The following MAGEC3 variants were observed in gnomAD, a reference collection of about 807,000 sequenced individuals.
The protein encoded by MAGEC3 is MAGE family member C3.
A neutral mutation model predicts 35.3 loss-of-function variants in MAGEC3; 34 were observed. The observed-to-expected ratio is 0.96, with a 90% CI of 0.73 to 1.28. The LOEUF (loss-of-function observed/expected upper bound fraction) is 1.28, where lower values mean the gene tolerates loss of function less well. Ranked by LOEUF, MAGEC3 falls within the 50% of genes most tolerant of loss-of-function variation. The probability of loss-of-function intolerance (pLI) is 0.00; values close to 1 mark genes in which losing one functional copy is unlikely to be tolerated. For synonymous variants in MAGEC3, 202 were observed against 185.6 expected (o/e 1.09, Z -0.72); for missense variants, 561 against 483.6 (o/e 1.16, Z -1.50).
At chrX:141,873,601 AAT>A (rs1231651966) in intron 2 of MAGEC3, among the ~76,000 whole-genome samples, 1 of 111,734 alleles carries the variant, frequency 8.9e-6, no homozygotes, top group African/African-American at 3.3e-5. Flanking sequence ...GTCAATAGTA[AAT>A]AATATAATTG....
At chrX:141,859,874 A>G (rs1416122567) in intron 1 of MAGEC3, among the ~76,000 whole-genome samples, 2 of 112,050 alleles carry the variant, frequency 1.8e-5, no homozygotes. Context: ...GGCTTGGCCT[A>G]ATGACAGAAA....
chrX:141,846,161 G>T lies in MAGEC3; in HGVS notation c.123+7723G>T, dbSNP rs982928345. Reference sequence around the variant, plus strand: ...TCAGATCTGCACTGCTTACTCAACAGCCAGTTCCCATGTGTTTTTAAATTC... The same window carrying T: ...TCAGATCTGCACTGCTTACTCAACATCCAGTTCCCATGTGTTTTTAAATTC... On this transcript the variant is annotated intron_variant, in intron 1 of 7. Transcript: ENST00000298296. 2.8e-5 allele frequency among the ~76,000 whole-genome samples: 3 copies of T among 107,853 alleles called. No homozygotes were observed. In the East Asian group the frequency reaches 8.7e-4, roughly 31 times the overall value. 93.7% of individuals were successfully genotyped at this position (107,853 alleles called of 115,157 possible). A position where few individuals can be genotyped will look rare whatever the true frequency, so the allele number is the denominator to read the frequency against.
At chrX:141,879,580 A>C in intron 3 of MAGEC3, 149 bp downstream of exon 3, 1 of 698,669 alleles carries the variant, frequency 1.4e-6, no homozygotes, top group Non-Finnish European at 2.0e-6. Flanking sequence ...AGGGGTGGAG[A>C]AGGGCCGGGA....
At chrX:141,885,420 A>C (rs767129488) in intron 4 of MAGEC3, among the ~76,000 whole-genome samples, 1 of 109,865 alleles carries the variant, frequency 9.1e-6, no homozygotes, top group South Asian at 3.9e-4. Context: ...TAATCCCAGC[A>C]CTTTGGGAGG....
In MAGEC3 at chrX:141,894,440, C is replaced by G. The variant is rs1238900495; in HGVS notation, c.910-829C>G. Among the ~76,000 whole-genome samples the G allele has an allele frequency of 8.0e-5, 9 of 111,808 alleles. No individual in the cohort carries two copies. The Admixed American group carries it at 8.5e-4, about 11-fold the overall frequency. ...GGACAAGGATAGGGAAAGAAGAAAA[C>G]TAAGGGAGCCTTTGACATAGGTCAG... On this transcript the variant is annotated intron_variant, in intron 4 of 7. Coordinates refer to ENST00000298296, the MANE Select transcript of MAGEC3 (RefSeq NM_138702.1).
At chrX:141,854,964 G>A (rs1227560758) in intron 1 of MAGEC3, among the ~76,000 whole-genome samples, 1 of 111,498 alleles carries the variant, frequency 9.0e-6, no homozygotes, top group Non-Finnish European at 1.9e-5. Context: ...AGGTACATTT[G>A]GGAACTAATT....
At position 141,897,827 on chromosome X, in the gene MAGEC3, G is replaced by A. The variant is rs762386857; in HGVS notation, c.1927G>A (p.Glu643Lys). 2 of 1,188,913 alleles carry A rather than the reference G, an allele frequency of 1.7e-6. No homozygotes were observed. Among genetic ancestry groups the A allele is most frequent in the Non-Finnish European group, 2.3e-6 (2 of 884,441 alleles). ...TGTCATGTCCACCAACTTCTGTCCT[G>A]AGTGATGTCTGAAGCAGATTCCCCC... ...PSVMSTNFCP[E>K] The change falls in exon 8 of 8, where the codon GAG becomes AAG. Residue 643 changes from glutamate to lysine, a missense_variant. Glu to Lys is a moderately conservative substitution (Grantham distance 56). Coordinates refer to ENST00000298296, the MANE Select transcript of MAGEC3 (RefSeq NM_138702.1).
chrX:141,850,924 C>G (rs2017747487), intron 1 of MAGEC3, among the ~76,000 whole-genome samples: 1 of 110,911 alleles, frequency 9.0e-6, no homozygotes, highest in Admixed American at 9.6e-5. Context: ...ATATAACTAT[C>G]ACAAAAGATT....
At chrX:141,857,983 A>G (rs898246044) in intron 1 of MAGEC3, among the ~76,000 whole-genome samples, 3 of 111,409 alleles carry the variant, frequency 2.7e-5, no homozygotes, top group East Asian at 2.9e-4. Context: ...ATGAATGAAT[A>G]CATGCATAGT....
intron 2 of MAGEC3, among the ~76,000 whole-genome samples, chrX:141,867,631 G>C (rs1030435212): frequency 1.8e-5 from 2 of 111,912 alleles, no homozygotes; most frequent in Admixed American, 1.9e-4. Flanking sequence ...ATTATTTTTT[G>C]TTAGTAACTG....
At chrX:141,842,847 C>T (rs1481670278) in intron 1 of MAGEC3, among the ~76,000 whole-genome samples, 1 of 111,374 alleles carries the variant, frequency 9.0e-6, no homozygotes, top group East Asian at 2.9e-4. Context: ...ACATTGTTAG[C>T]TCCTACATTG....
chrX:141,842,427 A>G lies in MAGEC3; in HGVS notation c.123+3989A>G, dbSNP rs1175953667. 2.7e-5 allele frequency among the ~76,000 whole-genome samples: 3 copies of G among 111,623 alleles called. No individual in the cohort carries two copies. The Admixed American group carries it at 2.9e-4, about 11-fold the overall frequency. ...CTCTGTAGCCTTTTAACTATCGTAT[A>G]TTTTAAAAACAATTCAAAGCTGAAT... On this transcript the variant is annotated intron_variant, in intron 1 of 7. Coordinates refer to ENST00000298296, the MANE Select transcript of MAGEC3 (RefSeq NM_138702.1).
At chrX:141,896,781 C>T in intron 6 of MAGEC3, 101 bp from the exon 7 acceptor site, 3 of 1,209,337 alleles carry the variant, frequency 2.5e-6, no homozygotes, top group Non-Finnish European at 3.4e-6. Context: ...CCTCCACTTC[C>T]TCTTCCTCTT....
intron 2 of MAGEC3, among the ~76,000 whole-genome samples, chrX:141,873,248 G>A (rs1160481062): frequency 2.7e-5 from 3 of 110,944 alleles, no homozygotes; most frequent in Non-Finnish European, 5.7e-5. Flanking sequence ...TTTTGTATCT[G>A]TTCCCATACC....
chrX:141,878,035 C>A (rs1052886312), intron 2 of MAGEC3, among the ~76,000 whole-genome samples: 5 of 112,079 alleles, frequency 4.5e-5, no homozygotes, highest in Non-Finnish European at 9.4e-5. Flanking sequence ...AAGGATACTC[C>A]ATTACATTTA....
At chrX:141,853,339 T>C (rs2017762471) in intron 1 of MAGEC3, among the ~76,000 whole-genome samples, 1 of 111,183 alleles carries the variant, frequency 9.0e-6, no homozygotes. Flanking sequence ...TGATATAGCC[T>C]GGGTGCTTTG....
intron 4 of MAGEC3, among the ~76,000 whole-genome samples, chrX:141,886,206 A>G (rs954700345): frequency 9.0e-6 from 1 of 110,781 alleles, no homozygotes; most frequent in African/African-American, 3.3e-5. Flanking sequence ...AATTGATAGG[A>G]AGCCTACTGC....
At chrX:141,866,465 G>A (rs977593241) in intron 2 of MAGEC3, among the ~76,000 whole-genome samples, 1 of 112,116 alleles carries the variant, frequency 8.9e-6, no homozygotes, top group Non-Finnish European at 1.9e-5. Context: ...ATCAAGTGCT[G>A]ATGACAATGT....
Position 141,838,425 on chromosome X carries a change from C to T in MAGEC3, c.110C>T (p.Pro37Leu), listed in dbSNP as rs2017666055. 1 of 1,208,786 alleles carries T rather than the reference C, an allele frequency of 8.3e-7. No individual in the cohort carries two copies. Among genetic ancestry groups the T allele is most frequent in the Non-Finnish European group, 1.1e-6 (1 of 893,352 alleles). The change falls in exon 1 of 8, where the codon CCA becomes CTA. Residue 37 changes from proline (P) to leucine (L), a missense_variant. Pro to Leu is a moderately conservative substitution (Grantham distance 98). Transcript: ENST00000298296. Reference protein sequence around the residue: ...ATYALSPVVLPPQPQPRKKAT... With the variant: ...ATYALSPVVLLPQPQPRKKAT... ...TATGCCTTATCCCCAGTGGTGCTCCCACCTCAGCCCCAGGTGTGGTAGCCC... is the reference window on the plus strand; with the variant it reads ...TATGCCTTATCCCCAGTGGTGCTCCTACCTCAGCCCCAGGTGTGGTAGCCC...
Sources: allele counts gnomAD v4.1 joint callset (sites outside exome capture counted in the v4.1 genomes callset), GRCh38; gene constraint gnomAD v4.1.1; transcripts MANE v1.5; gene names NCBI Gene and HGNC (gene_info 2026-07-23, HGNC 2026-07-21).